Variants in VCF2 observed in about 807,000 individuals in gnomAD.
VCF2 encodes protein VCF2.
At chrX:55,146,205 T>G in the VCF2 span, 44 of 1,209,443 alleles carry the variant, frequency 3.6e-5, no homozygotes, top group Middle Eastern at 1.1e-3. Context: ...CTGGGGAAAG[T>G]TTGCATCGGG....
At chrX:55,154,123 T>G in the VCF2 span, among the ~76,000 whole-genome samples, 1 of 111,698 alleles carries the variant, frequency 9.0e-6, no homozygotes, top group East Asian at 2.8e-4. Flanking sequence ...TAATACACTT[T>G]ATTTTATTAT....
At chrX:55,159,682 T>C in the VCF2 span, among the ~76,000 whole-genome samples, 2 of 112,146 alleles carry the variant, frequency 1.8e-5, no homozygotes, top group African/African-American at 6.5e-5. Context: ...ACTGAAGAGA[T>C]ATTTCTTGTA....
the VCF2 span, among the ~76,000 whole-genome samples, chrX:55,152,779 T>C: frequency 1.8e-5 from 2 of 112,023 alleles, no homozygotes; most frequent in East Asian, 2.8e-4. Flanking sequence ...AAGAAATTCC[T>C]TGTGGGACTC....
the VCF2 span, among the ~76,000 whole-genome samples, chrX:55,156,708 C>G: frequency 8.9e-6 from 1 of 111,815 alleles, no homozygotes; most frequent in African/African-American, 3.3e-5. Context: ...AGAACAGACA[C>G]TGAGTTGTAA....
At chrX:55,159,123 TG>T in the VCF2 span, 1 of 1,189,713 alleles carries the variant, frequency 8.4e-7, no homozygotes, top group Non-Finnish European at 1.1e-6. Context: ...TGACCATACT[TG>T]CTACCTCTGT....
the VCF2 span, chrX:55,143,849 T>C: frequency 8.3e-7 from 1 of 1,204,805 alleles, no homozygotes; most frequent in Admixed American, 2.2e-5. Flanking sequence ...CATAAACCAG[T>C]TTATGACATA....
chrX:55,146,724 G>GT, the VCF2 span, among the ~76,000 whole-genome samples: 1 of 112,399 alleles, frequency 8.9e-6, no homozygotes, highest in Non-Finnish European at 1.9e-5. Context: ...ACCATAACAA[G>GT]TAAGTTGGAC....
the VCF2 span, chrX:55,160,804 GT>G: frequency 8.7e-7 from 1 of 1,149,640 alleles, no homozygotes; most frequent in Non-Finnish European, 1.2e-6. Flanking sequence ...CACTGACTGA[GT>G]TTTCGCGAGG....
the VCF2 span, chrX:55,161,061 T>C: frequency 8.4e-7 from 1 of 1,194,912 alleles, no homozygotes. Context: ...AGATCTTGGC[T>C]GAGAAAGCAA....
chrX:55,150,179 G>C, the VCF2 span, among the ~76,000 whole-genome samples: 1 of 112,061 alleles, frequency 8.9e-6, no homozygotes, highest in African/African-American at 3.2e-5. Flanking sequence ...TGTGTTATTA[G>C]TATGTGTTTC....
the VCF2 span, chrX:55,145,802 T>C: frequency 1.2e-6 from 1 of 866,538 alleles, no homozygotes; most frequent in African/African-American, 2.1e-5. Flanking sequence ...ATGGCTTCAA[T>C]GCACAGGAGA....
At chrX:55,154,296 A>C in the VCF2 span, among the ~76,000 whole-genome samples, 2 of 111,896 alleles carry the variant, frequency 1.8e-5, no homozygotes, top group East Asian at 2.8e-4. Flanking sequence ...TAAGCACTTT[A>C]GTATTTGGAA....
the VCF2 span, chrX:55,161,074 C>A: frequency 8.3e-7 from 1 of 1,201,102 alleles, no homozygotes; most frequent in Non-Finnish European, 1.1e-6. Context: ...GAAAGCAAAG[C>A]GTGATGACCG....
the VCF2 span, among the ~76,000 whole-genome samples, chrX:55,151,914 C>T: frequency 4.4e-5 from 3 of 68,376 alleles, no homozygotes; most frequent in Non-Finnish European, 7.5e-5. Flanking sequence ...TTTTTTGAGA[C>T]GGAGTCTCGC....
the VCF2 span, chrX:55,159,057 T>C: frequency 1.2e-6 from 1 of 854,017 alleles, no homozygotes; most frequent in South Asian, 2.9e-5. Context: ...TTTCTTTTCA[T>C]TATGGAGCAC....
chrX:55,144,590 A>ATGTGTGTGTG, the VCF2 span, among the ~76,000 whole-genome samples: 2 of 106,716 alleles, frequency 1.9e-5, no homozygotes, highest in African/African-American at 6.8e-5. Context: ...AACCATGAAA[A>ATGTGTGTGTG]TGTGTGTGTG....
the VCF2 span, among the ~76,000 whole-genome samples, chrX:55,156,622 T>C: frequency 1.8e-5 from 2 of 112,636 alleles, no homozygotes; most frequent in South Asian, 7.3e-4. Context: ...ATGATATTCA[T>C]GTGTTAACTT....
At chrX:55,156,126 A>G in the VCF2 span, among the ~76,000 whole-genome samples, 1 of 109,322 alleles carries the variant, frequency 9.1e-6, no homozygotes, top group Non-Finnish European at 1.9e-5. Context: ...TAATTTTTGT[A>G]TTTCTTTAGT....
chrX:55,145,574 T>C, the VCF2 span: 1 of 756,575 alleles, frequency 1.3e-6, no homozygotes. Flanking sequence ...AGTATGGCAG[T>C]TCATTTCAGT....
Sources: allele counts gnomAD v4.1 joint callset (sites outside exome capture counted in the v4.1 genomes callset), GRCh38; gene constraint gnomAD v4.1.1; transcripts MANE v1.5; gene names NCBI Gene and HGNC (gene_info 2026-07-23, HGNC 2026-07-21).